ZNF491: variants seen among roughly 807,000 people sequenced by gnomAD.
The protein encoded by ZNF491 is zinc finger protein 491.
Under a neutral mutation model 34.7 loss-of-function variants are expected in ZNF491, and 22 were observed. The ratio of observed to expected loss-of-function variants is 0.63; its 90% CI spans 0.45 to 0.90. The LOEUF (loss-of-function observed/expected upper bound fraction) is 0.90. Among genes scored for constraint, ZNF491 ranks in the 40% least tolerant of loss-of-function variants. ZNF491 has a pLI of 0.00. For missense variants in ZNF491, 559 were observed against 531.7 expected, an observed-to-expected ratio of 1.05 and a Z score of -0.51; for synonymous variants, 148 against 174.3, an observed-to-expected ratio of 0.85 and a Z score of 1.19.
intron 1 of ZNF491, among the ~76,000 whole-genome samples, chr19:11,803,386 T>A (rs889535782): frequency 6.6e-6 from 1 of 152,226 alleles, no homozygotes; most frequent in Non-Finnish European, 1.5e-5. Flanking sequence ...AATGTGAGCA[T>A]CTTACATAAC....
rs773288172 is a variant in ZNF491 at position 11,806,791 on chromosome 19, T to C, written c.838T>C (p.Phe280Leu). The C allele has an allele frequency of 1.9e-6, 3 of 1,611,008 alleles. No individual in the cohort carries two copies. Among genetic ancestry groups the C allele is most frequent in the Non-Finnish European group, 2.5e-6 (3 of 1,178,824 alleles). The change falls in exon 3 of 3, where the codon TTT (phenylalanine) becomes CTT (leucine). Residue 280 changes from phenylalanine (F) to leucine (L), a missense_variant. Transcript: ENST00000323169. ...TAAATGTAAGATATGTGGGAAAGCC[T>C]TTTACTCTCCCAGTTCATTTCAAAG... ...PHKCKICGKA[F>L]YSPSSFQRHE...
chr19:11,806,412 C>CA lies in ZNF491; in HGVS notation c.460dup (p.Thr154AsnfsTer7), dbSNP rs1568233897. 1 of 1,613,372 alleles carries CA rather than the reference C, an allele frequency of 6.2e-7. No individual in the cohort carries two copies. Among genetic ancestry groups the CA allele is most frequent in the African/African-American group, 1.3e-5 (1 of 75,020 alleles). On this transcript the variant is annotated frameshift_variant, in exon 3 of 3. Transcript: ENST00000323169. LOFTEE classifies it high-confidence loss of function. ...TATACCTTACCCATGAACGAACTCA[C>CA]ACTGGAGAGAAACGATATGAATGTA...
In ZNF491 at chr19:11,806,332, G is replaced by A; in HGVS notation, c.379G>A (p.Gly127Arg). The A allele has an allele frequency of 6.2e-7, 1 of 1,612,190 alleles. No homozygotes were observed. The highest frequency in any genetic ancestry group is 8.5e-7 in the Non-Finnish European group (1 of 1,179,312). Reference protein sequence around the residue: ...SIRRYMVTHSGDGPYKCKFCG... With the variant: ...SIRRYMVTHSRDGPYKCKFCG... The stretch of plus-strand genomic sequence containing the variant: ...TCGAAGATATATGGTAACGCACAGT[G>A]GAGATGGACCTTATAAATGTAAGTT... The change falls in exon 3 of 3, where the codon GGA becomes AGA. Residue 127 changes from glycine to arginine, a missense_variant. Coordinates refer to ENST00000323169, the MANE Select transcript of ZNF491 (RefSeq NM_152356.4).
chr19:11,807,261 T>C lies in ZNF491; in HGVS notation c.1308T>C (p.Asn436=), dbSNP rs757355703. The C allele has an allele frequency of 6.6e-7, 1 of 1,524,454 alleles. No homozygotes were observed. Among genetic ancestry groups the C allele is most frequent in the African/African-American group, 1.4e-5 (1 of 71,352 alleles). The allele number at this position is 1,524,454 out of a possible 1,614,324, so 94.4% of individuals were successfully genotyped here. A position where few individuals can be genotyped will look rare whatever the true frequency, so the allele number is the denominator to read the frequency against. Residue 436 remains asparagine (N), a synonymous_variant, in exon 3 of 3, where the codon AAT becomes AAC. Transcript: ENST00000323169. The part of the protein sequence containing the change: ...CRKHERTHTI[N]I ...AACATGAAAGAACTCACACTATTAA[T>C]ATATGAGAGAAATGCTATTTTTTAA...
chr19:11,804,704 A>T, intron 2 of ZNF491, 37 bp downstream of exon 2: 1 of 1,088,800 alleles, frequency 9.2e-7, no homozygotes, highest in Non-Finnish European at 1.2e-6. Context: ...AGTGAATTGT[A>T]GAACATATGT....
In ZNF491 at chr19:11,806,678, C is replaced by T; in HGVS notation, c.725C>T (p.Pro242Leu). ...GAAAGGACTCACACAGGAGAAAAAC[C>T]CTATGAATGTAAACTATATGGGAAA... ...RHERTHTGEK[P>L]YECKLYGKAL... is the part of the protein sequence containing the mutation. Residue 242 changes from proline (P) to leucine (L), a missense_variant, in exon 3 of 3, where the codon CCC (proline) becomes CTC (leucine). By Grantham distance (98) the Pro-to-Leu change is moderately conservative (BLOSUM62 -3). Coordinates refer to ENST00000323169, the MANE Select transcript of ZNF491 (RefSeq NM_152356.4). 2 of 1,613,146 alleles carry T rather than the reference C, an allele frequency of 1.2e-6. No homozygotes were observed. The highest frequency in any genetic ancestry group is 1.7e-6 in the Non-Finnish European group (2 of 1,179,706).
At chr19:11,804,510 C>G (rs1033074078) in intron 1 of ZNF491, 32 bp from the exon 2 acceptor site, 2 of 1,507,114 alleles carry the variant, frequency 1.3e-6, no homozygotes, top group Non-Finnish European at 1.8e-6. Flanking sequence ...TCACTCTCAC[C>G]CATCCTCCTC....
Position 11,805,049 on chromosome 19 carries a change from G to A in ZNF491, c.-8+382G>A, listed in dbSNP as rs193292704. Among the ~76,000 whole-genome samples the A allele has an allele frequency of 2.0e-4, 31 of 152,216 alleles. No individual in the cohort carries two copies. In the East Asian group the frequency reaches 2.7e-3, roughly 13 times the overall value. ...GTATTTATTCTTAGAAAGTTTTCTC[G>A]AAAAACATATATTTCAATGTGATAT... On this transcript the variant is annotated intron_variant, in intron 2 of 2. Transcript: ENST00000323169.
chr19:11,806,266 T>G lies in ZNF491; in HGVS notation c.313T>G (p.Cys105Gly). ...RPHTREKPFD[C>G]KECEKSFISP... is the part of the protein sequence containing the mutation. Reference sequence around the variant, plus strand: ...TCACACTAGAGAGAAACCTTTTGATTGTAAGGAATGTGAAAAATCTTTCAT... The same window carrying G: ...TCACACTAGAGAGAAACCTTTTGATGGTAAGGAATGTGAAAAATCTTTCAT... The change falls in exon 3 of 3, where the codon TGT becomes GGT. Residue 105 changes from cysteine (C) to glycine (G), a missense_variant. Transcript: ENST00000323169. The G allele has an allele frequency of 6.2e-7, 1 of 1,607,330 alleles. No individual in the cohort carries two copies.
intron 1 of ZNF491, among the ~76,000 whole-genome samples, chr19:11,800,958 G>A (rs747095011): frequency 5.3e-5 from 8 of 151,952 alleles, no homozygotes; most frequent in East Asian, 3.9e-4. Flanking sequence ...GATCGCTTGA[G>A]CCCCGAAGAT....
Position 11,806,363 on chromosome 19 carries a change from G to A in ZNF491, c.410G>A (p.Gly137Glu). The change falls in exon 3 of 3, where the codon GGG (glycine) becomes GAG (glutamate). Residue 137 changes from glycine to glutamate, a missense_variant. Physicochemically the swap from Gly to Glu is moderately conservative, Grantham distance 98. Transcript: ENST00000323169. ...GDGPYKCKFC[G>E]KALDCLSLYL... is the part of the protein sequence containing the mutation. ...GGACCTTATAAATGTAAGTTTTGTGGGAAAGCCTTGGATTGTCTCAGTTTA... is the reference window on the plus strand; with the variant it reads ...GGACCTTATAAATGTAAGTTTTGTGAGAAAGCCTTGGATTGTCTCAGTTTA... 2 of 1,613,292 alleles carry A rather than the reference G, an allele frequency of 1.2e-6. No individual in the cohort carries two copies. Among genetic ancestry groups the A allele is most frequent in the Non-Finnish European group, 1.7e-6 (2 of 1,179,712 alleles).
At position 11,807,305 on chromosome 19, in the gene ZNF491, CA is replaced by C; in HGVS notation, c.*39del. 1 of 1,435,714 alleles carries C rather than the reference CA, an allele frequency of 7.0e-7. No individual in the cohort carries two copies. The highest frequency in any genetic ancestry group is 1.5e-5 in the South Asian group (1 of 65,554). 88.9% of individuals were successfully genotyped at this position (1,435,714 alleles called of 1,614,324 possible). ...TTTTTAATTTTTATTTTAATAGAGACAGGGTCTCACTATCTTGTCCAGGTTG... is the reference window on the plus strand; with the variant it reads ...TTTTTAATTTTTATTTTAATAGAGACGGGTCTCACTATCTTGTCCAGGTTG... On this transcript the variant is annotated 3_prime_UTR_variant, in exon 3 of 3. Transcript: ENST00000323169.
At chr19:11,799,635 T>C (rs116415797) in intron 1 of ZNF491, among the ~76,000 whole-genome samples, 1 of 151,810 alleles carries the variant, frequency 6.6e-6, no homozygotes, top group East Asian at 1.9e-4. Context: ...CAAAATATTT[T>C]AAAAAATTAG....
chr19:11,807,770 T>C lies in ZNF491; in HGVS notation c.*503T>C, dbSNP rs2685687. On this transcript the variant is annotated 3_prime_UTR_variant, in exon 3 of 3. Transcript: ENST00000323169. ...ATGCTCAACTCCCCTAGTCTGCAGA[T>C]TGAGTTGGTAGGAGGTGTGATTTGT... The C allele has an allele frequency of 0.018, 2,989 of 167,938 alleles. 85 individuals carry two copies. Among genetic ancestry groups the C allele is most frequent in the East Asian group, 0.077 (398 of 5,180 alleles). The allele number at this position is 167,938 out of a possible 1,614,324, so 10.4% of individuals were successfully genotyped here. A position where few individuals can be genotyped will look rare whatever the true frequency, so the allele number is the denominator to read the frequency against.
intron 2 of ZNF491, among the ~76,000 whole-genome samples, 151 bp downstream of exon 2, chr19:11,804,818 G>A (rs1158543049): frequency 6.6e-6 from 1 of 152,130 alleles, no homozygotes; most frequent in Middle Eastern, 3.2e-3. Flanking sequence ...GGAATCTAAT[G>A]ATTTTTAAAT....
Position 11,806,297 on chromosome 19 carries a change from C to T in ZNF491, c.344C>T (p.Pro115Leu). 6.2e-7 allele frequency: 1 copy of T among 1,605,464 alleles called. No homozygotes were observed. The highest frequency in any genetic ancestry group is 1.7e-4 in the Middle Eastern group (1 of 5,986). ...GAATGTGAAAAATCTTTCATTTCTC[C>T]TGCAAGCATTCGAAGATATATGGTA... ...CKECEKSFIS[P>L]ASIRRYMVTH... is the part of the protein sequence containing the mutation. Residue 115 changes from proline (P) to leucine (L), a missense_variant, in exon 3 of 3, where the codon CCT becomes CTT. Physicochemically the swap from Pro to Leu is moderately conservative, Grantham distance 98. Transcript: ENST00000323169.
Position 11,806,878 on chromosome 19 carries a change from A to C in ZNF491, c.925A>C (p.Thr309Pro), listed in dbSNP as rs1426188633. Reference sequence around the variant, plus strand: ...ATGCAAGCAATGTGGGAAAGCCTTCACTTGTTCCACTTCGTTTCAATATCA... The same window carrying C: ...ATGCAAGCAATGTGGGAAAGCCTTCCCTTGTTCCACTTCGTTTCAATATCA... Reference protein sequence around the residue: ...YKCKQCGKAFTCSTSFQYHER... With the variant: ...YKCKQCGKAFPCSTSFQYHER... The change falls in exon 3 of 3, where the codon ACT (threonine) becomes CCT (proline). Residue 309 changes from threonine (T) to proline (P), a missense_variant. Coordinates refer to ENST00000323169, the MANE Select transcript of ZNF491 (RefSeq NM_152356.4). 1 of 1,611,080 alleles carries C rather than the reference A, an allele frequency of 6.2e-7. No individual in the cohort carries two copies. The highest frequency in any genetic ancestry group is 8.5e-7 in the Non-Finnish European group (1 of 1,178,742).
intron 1 of ZNF491, among the ~76,000 whole-genome samples, chr19:11,802,989 T>TC (rs1975572298): frequency 6.6e-6 from 1 of 151,738 alleles, no homozygotes; most frequent in Admixed American, 6.6e-5. Flanking sequence ...TCTTTTTTTT[T>TC]TTTTTTTTCC....
rs149303160 is a variant in ZNF491 at position 11,806,719 on chromosome 19, A to G, written c.766A>G (p.Ile256Val). The change falls in exon 3 of 3, where the codon ATA becomes GTA. Residue 256 changes from isoleucine to valine, a missense_variant. Ile to Val is a conservative substitution (Grantham distance 29). Transcript: ENST00000323169. ...ATATGGGAAAGCATTATCTCGCCTT[A>G]TAAGCTTTCGAAGACACATGAGAAT... is the stretch of plus-strand genomic sequence containing the variant. ...KLYGKALSRL[I>V]SFRRHMRMHT... is the part of the protein sequence containing the mutation. The G allele has an allele frequency of 6.2e-7, 1 of 1,614,004 alleles. No individual in the cohort carries two copies. The highest frequency in any genetic ancestry group is 8.5e-7 in the Non-Finnish European group (1 of 1,179,972).
Sources: allele counts gnomAD v4.1 joint callset (sites outside exome capture counted in the v4.1 genomes callset), GRCh38; gene constraint gnomAD v4.1.1; transcripts MANE v1.5; gene names NCBI Gene and HGNC (gene_info 2026-07-23, HGNC 2026-07-21).